The following HGFAC variants were observed in gnomAD, a reference collection of about 807,000 sequenced individuals.
HGFAC encodes HGF activator, also known as hepatocyte growth factor activator serine protease.
A neutral mutation model predicts 70.6 loss-of-function variants in HGFAC; 76 were observed. That is an observed-to-expected ratio of 1.08 (90% CI 0.89 to 1.30). The LOEUF is 1.30. Ranked by LOEUF, HGFAC falls within the 50% of genes most tolerant of loss-of-function variation. HGFAC has a pLI of 0.00. For synonymous variants in HGFAC, 464 were observed against 405.3 expected (o/e 1.14, Z -1.74); for missense variants, 1,044 against 933.7 (o/e 1.12, Z -1.54).
intron 13 of HGFAC, 152 bp from the exon 14 acceptor site, chr4:3,449,085 A>C: frequency 7.4e-6 from 5 of 674,152 alleles, no homozygotes; most frequent in Non-Finnish European, 1.2e-5. Flanking sequence ...CCCCCAGGGA[A>C]TGAGACACCT....
intron 9 of HGFAC, 198 bp from the exon 10 acceptor site, chr4:3,445,844 C>G: frequency 6.5e-7 from 1 of 1,529,594 alleles, no homozygotes; most frequent in Non-Finnish European, 8.8e-7. Flanking sequence ...CTCACAGAGC[C>G]TCGGGATCGG....
chr4:3,442,695 GTC>G, intron 1 of HGFAC, 35 bp from the exon 2 acceptor site: 1 of 1,391,440 alleles, frequency 7.2e-7, no homozygotes, highest in Non-Finnish European at 9.5e-7. Flanking sequence ...GAGTGTGAGG[GTC>G]TGTCCCACAC....
In HGFAC at chr4:3,448,041, T is replaced by A. The variant is rs552923119; in HGVS notation, c.1636+6T>A. 6.4e-7 allele frequency: 1 copy of A among 1,555,700 alleles called. No homozygotes were observed. The highest frequency in any genetic ancestry group is 8.7e-7 in the Non-Finnish European group (1 of 1,150,792). ...CTGGGGCCACTTGGATGAGAGTGAGTTGGGAGGGGGGCGCCCAGCGCCCCG... is the reference window on the plus strand; with the variant it reads ...CTGGGGCCACTTGGATGAGAGTGAGATGGGAGGGGGGCGCCCAGCGCCCCG... On this transcript the variant is annotated splice_donor_region_variant and intron_variant, in intron 12 of 13. Coordinates refer to ENST00000382774, the MANE Select transcript of HGFAC (RefSeq NM_001528.4).
chr4:3,447,200 G>A (rs1725539449), intron 10 of HGFAC, among the ~76,000 whole-genome samples: 1 of 152,198 alleles, frequency 6.6e-6, no homozygotes, highest in Non-Finnish European at 1.5e-5. Context: ...AGCCGATCCT[G>A]CCTGGGCTTG....
In HGFAC at chr4:3,449,377, C is replaced by T. The variant is rs150297164; in HGVS notation, c.1926C>T (p.Asn642=). Residue 642 remains asparagine, a synonymous_variant, in exon 14 of 14, where the codon AAC becomes AAT. Transcript: ENST00000382774. ...TGGCCAACTATGTGGACTGGATCAA[C>T]GACCGGATACGGCCTCCCAGGCGGC... The part of the protein sequence containing the change: ...TRVANYVDWI[N]DRIRPPRRLV... The T allele has an allele frequency of 1.3e-5, 21 of 1,590,990 alleles. No individual in the cohort carries two copies. The highest frequency in any genetic ancestry group is 5.4e-5 in the African/African-American group (4 of 74,302).
At chr4:3,443,267 G>A in intron 3 of HGFAC, 74 bp from the exon 4 acceptor site, 3 of 882,366 alleles carry the variant, frequency 3.4e-6, no homozygotes, top group Non-Finnish European at 3.2e-6. Flanking sequence ...TGAACCCAGA[G>A]ACCCTCCAGG....
chr4:3,444,768 A>AGTGCCGGGTGGAC, intron 7 of HGFAC, 35 bp downstream of exon 7: 1 of 1,576,280 alleles, frequency 6.3e-7, no homozygotes, highest in South Asian at 1.2e-5. Context: ...GCCCTGGGGC[A>AGTGCCGGGTGGAC]GTGCCGGGTG....
rs1179942242 is a variant in HGFAC, at chr4:3,444,141, C to G, written c.578C>G (p.Thr193Ser). ...CACTGCAGCTGCCCCCGGGCCTTCA[C>G]CGGCAAGGACTGCGGCACAGGTGAG... ...SYHCSCPRAF[T>S]GKDCGTEKCF... Residue 193 changes from threonine to serine, a missense_variant, in exon 5 of 14, where the codon ACC (threonine) becomes AGC (serine). By Grantham distance (58) the Thr-to-Ser change is moderately conservative (BLOSUM62 1). Transcript: ENST00000382774. 2 of 1,610,476 alleles carry G rather than the reference C, an allele frequency of 1.2e-6. No homozygotes were observed. The highest frequency in any genetic ancestry group is 2.7e-5 in the African/African-American group (2 of 74,866).
At chr4:3,445,695 G>T (rs554342446) in intron 9 of HGFAC, 55 of 634,030 alleles carry the variant, frequency 8.7e-5, no homozygotes, top group African/African-American at 7.7e-4. Flanking sequence ...CTGGGGAGAG[G>T]CCCCCCGGCT....
chr4:3,443,273 C>G, intron 3 of HGFAC, 68 bp from the exon 4 acceptor site: 1 of 1,417,918 alleles, frequency 7.1e-7, no homozygotes, highest in Non-Finnish European at 9.6e-7. Context: ...CAGAGACCCT[C>G]CAGGGTGGTG....
Position 3,447,496 on chromosome 4 carries a change from C to G in HGFAC, c.1360C>G (p.Pro454Ala), listed in dbSNP as rs1469777468. 2.5e-6 allele frequency: 4 copies of G among 1,612,462 alleles called. No individual in the cohort carries two copies. The highest frequency in any genetic ancestry group is 2.2e-5 in the East Asian group (1 of 44,890). Residue 454 changes from proline (P) to alanine (A), a missense_variant, in exon 11 of 14, where the codon CCC becomes GCC. By Grantham distance (27) the Pro-to-Ala change is conservative (BLOSUM62 -1). Coordinates refer to ENST00000382774, the MANE Select transcript of HGFAC (RefSeq NM_001528.4). ...SAAHCFSHSP[P>A]RDSVSVVLGQ... The stretch of plus-strand genomic sequence containing the variant: ...CCTCCAGCCCCCCTTGCACAGCCCC[C>G]CCAGGGACAGCGTCTCCGTGGTGCT...
At chr4:3,442,602 G>T in intron 1 of HGFAC, 130 bp from the exon 2 acceptor site, 1 of 586,528 alleles carries the variant, frequency 1.7e-6, no homozygotes, top group Non-Finnish European at 2.9e-6. Flanking sequence ...AATGTCGTGT[G>T]TCCTCCTGGA....
rs566473492 is a variant in HGFAC, at chr4:3,442,065, C to T, written c.64C>T (p.Leu22Phe). The change falls in exon 1 of 14, where the codon CTC becomes TTC. Residue 22 changes from leucine to phenylalanine, a missense_variant. Physicochemically the swap from Leu to Phe is conservative, Grantham distance 22 (BLOSUM62 0). Coordinates refer to ENST00000382774, the MANE Select transcript of HGFAC (RefSeq NM_001528.4). ...PPPGLGPFLL[L>F]LLLLLLLPRG... Reference sequence around the variant, plus strand: ...ACCGGGGCTGGGCCCCTTCCTCCTCCTCCTCCTGCTGCTGCTGCTGCTGCC... The same window carrying T: ...ACCGGGGCTGGGCCCCTTCCTCCTCTTCCTCCTGCTGCTGCTGCTGCTGCC... The T allele has an allele frequency of 5.6e-5, 87 of 1,554,524 alleles. 4 individuals carry two copies. The South Asian group carries it at 8.8e-4, about 16-fold the overall frequency.
In HGFAC at chr4:3,444,733, G is replaced by A. The variant is rs370946654; in HGVS notation, c.841G>A (p.Glu281Lys). The change falls in exon 7 of 14, where the codon GAG (glutamate) becomes AAG (lysine). Residue 281 changes from glutamate (E) to lysine (K), a missense_variant and splice_region_variant. Physicochemically the swap from Glu to Lys is moderately conservative, Grantham distance 56 (BLOSUM62 1). Coordinates refer to ENST00000382774, the MANE Select transcript of HGFAC (RefSeq NM_001528.4). ...CTTCGCTGGACGGCTCTGCAACATC[G>A]GTGAGTGGGTCAGCCCCCCGGGGTG... ...PGFAGRLCNI[E>K]PDERCFLGNG... The A allele has an allele frequency of 8.2e-6, 13 of 1,589,218 alleles. No homozygotes were observed. In the African/African-American group the frequency reaches 1.3e-4, roughly 16 times the overall value.
At chr4:3,448,957 G>A (rs1207911612) in intron 13 of HGFAC, among the ~76,000 whole-genome samples, 1 of 152,180 alleles carries the variant, frequency 6.6e-6, no homozygotes, top group Non-Finnish European at 1.5e-5. Context: ...ATTTCAGGAG[G>A]TGCTGGGACA....
intron 8 of HGFAC, 49 bp from the exon 9 acceptor site, chr4:3,445,216 C>G: frequency 6.8e-7 from 1 of 1,469,530 alleles, no homozygotes; most frequent in South Asian, 1.2e-5. Flanking sequence ...CCCATGCCCT[C>G]TTCGAGGGGC....
At chr4:3,445,891 G>A (rs1380273877) in intron 9 of HGFAC, 151 bp from the exon 10 acceptor site, 2 of 1,548,092 alleles carry the variant, frequency 1.3e-6, no homozygotes, top group Non-Finnish European at 1.7e-6. Flanking sequence ...GAAACTGAGG[G>A]CAGAGGTGAG....
At position 3,445,342 on chromosome 4, in the gene HGFAC, A is replaced by G. The variant is rs1725466892; in HGVS notation, c.1094A>G (p.Glu365Gly). 2 of 1,575,744 alleles carry G rather than the reference A, an allele frequency of 1.3e-6. No homozygotes were observed. Among genetic ancestry groups the G allele is most frequent in the East Asian group, 4.7e-5 (2 of 42,446 alleles). The change falls in exon 9 of 14, where the codon GAG (glutamate) becomes GGG (glycine). Residue 365 changes from glutamate (E) to glycine (G), a missense_variant. Coordinates refer to ENST00000382774, the MANE Select transcript of HGFAC (RefSeq NM_001528.4). Reference protein sequence around the residue: ...SALSWEYCRLEACESLTRVQL... With the variant: ...SALSWEYCRLGACESLTRVQL... Reference sequence around the variant, plus strand: ...CTCTCCTGGGAGTACTGCCGCCTGGAGGCCTGCGGTGCGCGGCTGGCGGGG... The same window carrying G: ...CTCTCCTGGGAGTACTGCCGCCTGGGGGCCTGCGGTGCGCGGCTGGCGGGG...
chr4:3,447,530 ACTT>A lies in HGFAC; in HGVS notation c.1399_1401del (p.Phe467del), dbSNP rs1309696434. 6.2e-7 allele frequency: 1 copy of A among 1,612,630 alleles called. No homozygotes were observed. Among genetic ancestry groups the A allele is most frequent in the East Asian group, 2.2e-5 (1 of 44,876 alleles). The stretch of plus-strand genomic sequence containing the variant: ...AGCGTCTCCGTGGTGCTGGGCCAGC[ACTT>A]CTTCAACCGCACGACGGACGTGACG... On this transcript the variant is annotated inframe_deletion, in exon 11 of 14. Transcript: ENST00000382774.
Sources: allele counts gnomAD v4.1 joint callset (sites outside exome capture counted in the v4.1 genomes callset), GRCh38; gene constraint gnomAD v4.1.1; transcripts MANE v1.5; gene names NCBI Gene and HGNC (gene_info 2026-07-23, HGNC 2026-07-21).